Variants in BAIAP2L2 observed in about 807,000 individuals in gnomAD.
BAIAP2L2 encodes BAR/IMD domain-containing adapter protein 2-like 2.
In BAIAP2L2, 65 loss-of-function variants were observed where a neutral mutation model predicts 60.4. That is an observed-to-expected ratio of 1.08 (90% CI 0.88 to 1.32). The LOEUF (loss-of-function observed/expected upper bound fraction) is 1.32. Ranked by LOEUF, BAIAP2L2 falls within the 40% of genes most tolerant of loss-of-function variation. The pLI, the probability that BAIAP2L2 is intolerant of heterozygous loss-of-function variation, is 0.00. For synonymous variants in BAIAP2L2, 344 were observed against 301.7 expected (o/e 1.14, Z -1.45); for missense variants, 836 against 741.2 (o/e 1.13, Z -1.48).
At position 38,084,989 on chromosome 22, in the gene BAIAP2L2, C is replaced by T. The variant is rs2086007658; in HGVS notation, c.*311G>A. 4 of 341,042 alleles carry T rather than the reference C, an allele frequency of 1.2e-5. No individual in the cohort carries two copies. In the South Asian group the frequency reaches 1.3e-4, roughly 11 times the overall value. 21.1% of individuals were successfully genotyped at this position (341,042 alleles called of 1,614,324 possible). A position where few individuals can be genotyped will look rare whatever the true frequency, so the allele number is the denominator to read the frequency against. On this transcript the variant is annotated 3_prime_UTR_variant, in exon 14 of 14. Coordinates refer to ENST00000381669, the MANE Select transcript of BAIAP2L2 (RefSeq NM_025045.6). The stretch of plus-strand genomic sequence containing the variant: ...CACGGAGCAGGTACAAGGGGCTCCT[C>T]CCCACGGGGGCAGAAAAGGGGGAAA...
In BAIAP2L2 at chr22:38,107,711, G is replaced by C. The variant is rs1315623350; in HGVS notation, c.276+141C>G. The C allele has an allele frequency of 4.0e-6, 3 of 751,176 alleles. No homozygotes were observed. The East Asian group carries it at 7.4e-5, about 19-fold the overall frequency. The allele number at this position is 751,176 out of a possible 1,614,324, so 46.5% of individuals were successfully genotyped here. On this transcript the variant is annotated intron_variant, in intron 4 of 13. Coordinates refer to ENST00000381669, the MANE Select transcript of BAIAP2L2 (RefSeq NM_025045.6). ...GCTTGAACGACTATTGCAGGGAACCGTGCCCCACAGAGCCGGGTGCTGGGA... is the reference window on the plus strand; with the variant it reads ...GCTTGAACGACTATTGCAGGGAACCCTGCCCCACAGAGCCGGGTGCTGGGA...
At chr22:38,100,155 C>T (rs1480908884) in intron 4 of BAIAP2L2, among the ~76,000 whole-genome samples, 1 of 152,086 alleles carries the variant, frequency 6.6e-6, no homozygotes, top group Non-Finnish European at 1.5e-5. Flanking sequence ...TATAGAAATG[C>T]CAGGTAGATG....
chr22:38,094,195 A>AT (rs937056338), intron 7 of BAIAP2L2, among the ~76,000 whole-genome samples: 86 of 149,144 alleles, frequency 5.8e-4, no homozygotes, highest in Admixed American at 9.4e-4. Flanking sequence ...ACCGGTTTGT[A>AT]TTTTTTTTTT....
chr22:38,096,106 G>A (rs966943961), intron 7 of BAIAP2L2, among the ~76,000 whole-genome samples: 1 of 152,026 alleles, frequency 6.6e-6, no homozygotes, highest in African/African-American at 2.4e-5. Flanking sequence ...CATACAAAGA[G>A]ATAAGCAAAG....
chr22:38,104,732 G>A (rs763597455), intron 4 of BAIAP2L2, among the ~76,000 whole-genome samples: 2 of 152,178 alleles, frequency 1.3e-5, no homozygotes, highest in South Asian at 2.1e-4. Flanking sequence ...TCCTGACCTC[G>A]TGATCCGCCT....
chr22:38,087,477 A>G (rs1358564192), intron 10 of BAIAP2L2, among the ~76,000 whole-genome samples: 1 of 152,110 alleles, frequency 6.6e-6, no homozygotes, highest in Non-Finnish European at 1.5e-5. Flanking sequence ...TATGTGAGTC[A>G]AGGATGGAAC....
In BAIAP2L2 at chr22:38,089,605, G is replaced by T. The variant is rs564837714; in HGVS notation, c.682C>A (p.Arg228Ser). Residue 228 changes from arginine to serine, a missense_variant, in exon 8 of 14, where the codon CGC becomes AGC. Coordinates refer to ENST00000381669, the MANE Select transcript of BAIAP2L2 (RefSeq NM_025045.6). ...CCCAGCAGGCCGGGGGAGTGGGCGC[G>T]CGACGGGCTGCGGCTGGCCTCAGAC... ...EQSEASRSPS[R>S]AHSPGLLGPA... 47 of 1,234,280 alleles carry T rather than the reference G, an allele frequency of 3.8e-5. No individual in the cohort carries two copies. The Admixed American group carries it at 1.4e-3, about 37-fold the overall frequency. 76.5% of individuals were successfully genotyped at this position (1,234,280 alleles called of 1,614,324 possible). A position where few individuals can be genotyped will look rare whatever the true frequency, so the allele number is the denominator to read the frequency against.
chr22:38,089,876 A>G (rs1196070187), intron 7 of BAIAP2L2, among the ~76,000 whole-genome samples: 1 of 151,972 alleles, frequency 6.6e-6, no homozygotes, highest in Non-Finnish European at 1.5e-5. Context: ...TTTTCCACGA[A>G]GAGCTTCCTC....
At chr22:38,108,573 G>A (rs2086718389) in intron 2 of BAIAP2L2, among the ~76,000 whole-genome samples, 1 of 152,174 alleles carries the variant, frequency 6.6e-6, no homozygotes, top group South Asian at 2.1e-4. Flanking sequence ...GGGGATGGGA[G>A]GCCCTGAGGT....
At chr22:38,097,327 C>T (rs1246127891) in intron 6 of BAIAP2L2, 149 bp from the exon 7 acceptor site, 1 of 821,082 alleles carries the variant, frequency 1.2e-6, no homozygotes, top group Non-Finnish European at 1.9e-6. Context: ...ATCCTAGCTC[C>T]TGAGCCTGCC....
At chr22:38,108,060 G>C in intron 3 of BAIAP2L2, 147 bp from the exon 4 acceptor site, 1 of 1,025,304 alleles carries the variant, frequency 9.8e-7, no homozygotes, top group East Asian at 2.6e-5. Flanking sequence ...GGTTCTCTGG[G>C]AGCCAGGCCA....
intron 9 of BAIAP2L2, 54 bp downstream of exon 9, chr22:38,089,042 C>T (rs2086192729): frequency 1.4e-6 from 2 of 1,405,940 alleles, no homozygotes; most frequent in Admixed American, 3.0e-5. Context: ...CTGCTGCAGC[C>T]CCACCCCCGC....
chr22:38,108,433 T>C (rs1402700993), intron 2 of BAIAP2L2, 92 bp from the exon 3 acceptor site: 3 of 1,023,162 alleles, frequency 2.9e-6, no homozygotes, highest in South Asian at 1.6e-5. Flanking sequence ...GTGTCTGTCC[T>C]GGGTGGGGTG....
At chr22:38,105,025 C>T (rs951437034) in intron 4 of BAIAP2L2, among the ~76,000 whole-genome samples, 1 of 152,146 alleles carries the variant, frequency 6.6e-6, no homozygotes, top group Non-Finnish European at 1.5e-5. Flanking sequence ...TGATTCATTA[C>T]GCTCTAATCT....
intron 7 of BAIAP2L2, among the ~76,000 whole-genome samples, chr22:38,092,449 G>A (rs188100266): frequency 6.6e-5 from 10 of 152,124 alleles, no homozygotes; most frequent in Admixed American, 6.5e-4. Flanking sequence ...ACTAATTTTT[G>A]TATTTTTAGT....
At chr22:38,110,439 G>C in intron 1 of BAIAP2L2, 36 bp downstream of exon 1, 1 of 1,601,652 alleles carries the variant, frequency 6.2e-7, no homozygotes, top group South Asian at 1.1e-5. Flanking sequence ...CCTGGGAGGA[G>C]GGGCTCAGGC....
chr22:38,105,386 C>T (rs2086646067), intron 4 of BAIAP2L2, among the ~76,000 whole-genome samples: 1 of 145,310 alleles, frequency 6.9e-6, no homozygotes, highest in African/African-American at 2.6e-5. Flanking sequence ...GTCACCCAGG[C>T]TGGAGTGCTG....
At chr22:38,086,497 A>G in intron 11 of BAIAP2L2, 48 bp from the exon 12 acceptor site, 1 of 1,398,854 alleles carries the variant, frequency 7.1e-7, no homozygotes, top group East Asian at 2.6e-5. Flanking sequence ...GGGCCTGTCC[A>G]ATCCCTTGTC....
intron 7 of BAIAP2L2, chr22:38,090,001 TC>T (rs1416805650): frequency 4.5e-6 from 1 of 220,602 alleles, no homozygotes; most frequent in African/African-American, 2.3e-5. Flanking sequence ...CCATCCTCCT[TC>T]CTGCAGCGAT....
Sources: gnomAD v4.1 joint callset for allele counts (sites outside exome capture counted in the v4.1 genomes callset) on GRCh38, gnomAD v4.1.1 for gene constraint, MANE v1.5 for transcripts, NCBI Gene and HGNC (gene_info 2026-07-23, HGNC 2026-07-21) for gene names.